Variants in LGSN observed in about 807,000 individuals in gnomAD.
LGSN encodes the protein lengsin, lens protein with glutamine synthetase domain.
In LGSN, 21 loss-of-function variants were observed where a neutral mutation model predicts 19.5. That is an observed-to-expected ratio of 1.07 (90% CI 0.76 to 1.55). LGSN has a LOEUF of 1.55. Among genes scored for constraint, LGSN ranks in the 40% most tolerant of loss-of-function variants. The probability of loss-of-function intolerance (pLI) is 0.00; values close to 1 mark genes in which losing one functional copy is unlikely to be tolerated. For synonymous variants in LGSN, 257 were observed against 215.6 expected (o/e 1.19, Z -1.68); for missense variants, 673 against 608.5 (o/e 1.11, Z -1.12).
the LGSN span, among the ~76,000 whole-genome samples, chr6:63,464,710 T>C: frequency 1.3e-5 from 2 of 151,892 alleles, no homozygotes; most frequent in African/African-American, 4.8e-5. Context: ...CTTTAAATTT[T>C]ATTAAAAGAA....
the LGSN span, among the ~76,000 whole-genome samples, chr6:63,490,395 A>G: frequency 3.9e-5 from 6 of 152,170 alleles, no homozygotes; most frequent in Non-Finnish European, 8.8e-5. Context: ...CAACCTTATG[A>G]TGACCAATCA....
chr6:63,457,447 G>A, the LGSN span, among the ~76,000 whole-genome samples: 1 of 152,200 alleles, frequency 6.6e-6, no homozygotes, highest in Non-Finnish European at 1.5e-5. Context: ...GGAGGCTGCA[G>A]TGAGCCAAGA....
the LGSN span, among the ~76,000 whole-genome samples, chr6:63,565,247 A>T: frequency 6.6e-6 from 1 of 151,942 alleles, no homozygotes; most frequent in Non-Finnish European, 1.5e-5. Flanking sequence ...ATCTTAATAC[A>T]CACACTAAGC....
chr6:63,407,378 C>T, the LGSN span, among the ~76,000 whole-genome samples: 22 of 152,130 alleles, frequency 1.4e-4, no homozygotes, highest in South Asian at 8.3e-4. Context: ...GTTCAATATA[C>T]GCAAATCAAT....
the LGSN span, among the ~76,000 whole-genome samples, chr6:63,523,772 T>C: frequency 1.3e-5 from 2 of 152,068 alleles, no homozygotes; most frequent in Non-Finnish European, 2.9e-5. Context: ...TGTTAGTGTA[T>C]TTCATGTGTG....
intron 3 of LGSN, among the ~76,000 whole-genome samples, chr6:63,285,123 C>T (rs192151846): frequency 1.3e-5 from 2 of 152,148 alleles, no homozygotes; most frequent in African/African-American, 2.4e-5. Flanking sequence ...AGTCATCCAA[C>T]AACAATGGAA....
At chr6:63,508,532 G>A in the LGSN span, among the ~76,000 whole-genome samples, 16 of 152,164 alleles carry the variant, frequency 1.1e-4, no homozygotes, top group Admixed American at 2.0e-4. Context: ...GTATAGGGAT[G>A]CACACACCAT....
At chr6:63,544,165 G>T in the LGSN span, among the ~76,000 whole-genome samples, 1 of 152,068 alleles carries the variant, frequency 6.6e-6, no homozygotes, top group African/African-American at 2.4e-5. Context: ...TGTCCGGAGG[G>T]CTTTACCACA....
chr6:63,285,177 A>G (rs1767476961), intron 3 of LGSN, among the ~76,000 whole-genome samples: 2 of 152,232 alleles, frequency 1.3e-5, no homozygotes, highest in Non-Finnish European at 1.5e-5. Context: ...TACATTTTTT[A>G]TCTAGCAAAT....
At chr6:63,306,793 A>G (rs1768408807) in intron 1 of LGSN, among the ~76,000 whole-genome samples, 2 of 152,258 alleles carry the variant, frequency 1.3e-5, no homozygotes, top group South Asian at 4.1e-4. Flanking sequence ...GAGTCCAGAC[A>G]ATTGTTGCCA....
the LGSN span, among the ~76,000 whole-genome samples, chr6:63,375,375 A>G: frequency 2.0e-5 from 3 of 151,490 alleles, no homozygotes; most frequent in East Asian, 1.9e-4. Context: ...CAACAATTGT[A>G]TAAGTGTTAG....
the LGSN span, among the ~76,000 whole-genome samples, chr6:63,501,615 G>A: frequency 6.6e-6 from 1 of 151,880 alleles, no homozygotes; most frequent in Non-Finnish European, 1.5e-5. Flanking sequence ...TGTTGTTTAA[G>A]TAATTGTTGG....
the LGSN span, among the ~76,000 whole-genome samples, chr6:63,406,066 A>G: frequency 6.6e-6 from 1 of 152,182 alleles, no homozygotes; most frequent in Non-Finnish European, 1.5e-5. Flanking sequence ...AGACTCCCAC[A>G]CAATAATAAT....
At chr6:63,546,352 G>A in the LGSN span, among the ~76,000 whole-genome samples, 1 of 152,196 alleles carries the variant, frequency 6.6e-6, no homozygotes, top group African/African-American at 2.4e-5. Flanking sequence ...GAAGCAGAGA[G>A]TAGAATGGTG....
At chr6:63,341,500 C>G in the LGSN span, among the ~76,000 whole-genome samples, 1 of 152,154 alleles carries the variant, frequency 6.6e-6, no homozygotes, top group Non-Finnish European at 1.5e-5. Flanking sequence ...TCAGTAGCAG[C>G]AGCCCCAGGA....
chr6:63,336,874 G>A, the LGSN span, among the ~76,000 whole-genome samples: 434 of 149,218 alleles, frequency 2.9e-3, 3 homozygotes, highest in African/African-American at 0.01. Flanking sequence ...TGCTGGGATT[G>A]CAGGCGTGAA....
the LGSN span, among the ~76,000 whole-genome samples, chr6:63,430,803 T>C: frequency 6.6e-6 from 1 of 152,168 alleles, no homozygotes; most frequent in Non-Finnish European, 1.5e-5. Context: ...AGGGGAGCCA[T>C]GTCAATGTGA....
the LGSN span, among the ~76,000 whole-genome samples, chr6:63,464,501 C>A: frequency 6.7e-6 from 1 of 148,938 alleles, no homozygotes. Context: ...AAGTACCTAG[C>A]CTCACTTAGC....
the LGSN span, among the ~76,000 whole-genome samples, chr6:63,390,009 G>A: frequency 3.3e-5 from 5 of 150,934 alleles, no homozygotes; most frequent in African/African-American, 1.2e-4. Context: ...TTTTGTGAAT[G>A]CTAAGTAGGG....
Sources: gnomAD v4.1 joint callset for allele counts (sites outside exome capture counted in the v4.1 genomes callset) on GRCh38, gnomAD v4.1.1 for gene constraint, MANE v1.5 for transcripts, NCBI Gene and HGNC (gene_info 2026-07-23, HGNC 2026-07-21) for gene names.